The following ARHGEF2 variants were observed in gnomAD, a reference collection of about 807,000 sequenced individuals.
The protein encoded by ARHGEF2 is rho guanine nucleotide exchange factor 2.
Under a neutral mutation model 121.0 loss-of-function variants are expected in ARHGEF2, and 22 were observed. The ratio of observed to expected loss-of-function variants is 0.18; its 90% confidence interval spans 0.13 to 0.26. ARHGEF2 has a LOEUF of 0.26. Among genes scored for constraint, ARHGEF2 ranks in the 10% least tolerant of loss-of-function variants. ARHGEF2 has a pLI of 1.00. For missense variants in ARHGEF2, 907 were observed against 1,336.0 expected (o/e 0.68, Z 5.01); for synonymous variants, 487 against 530.0 (o/e 0.92, Z 1.11).
chr1:155,956,259 C>T (rs530497261), intron 13 of ARHGEF2, among the ~76,000 whole-genome samples: 40 of 151,874 alleles, frequency 2.6e-4, no homozygotes, highest in Admixed American at 2.0e-3. Flanking sequence ...CCACCACGCC[C>T]GGCTAATTTT....
chr1:155,966,958 C>A, intron 2 of ARHGEF2, 71 bp from the exon 3 acceptor site: 1 of 1,424,604 alleles, frequency 7.0e-7, no homozygotes, highest in South Asian at 1.1e-5. Context: ...CACATGCAGA[C>A]ACCCATCTCC....
intron 21 of ARHGEF2, among the ~76,000 whole-genome samples, chr1:155,948,978 T>G (rs1674846824): frequency 6.6e-6 from 1 of 152,064 alleles, no homozygotes; most frequent in African/African-American, 2.4e-5. Flanking sequence ...CCAGGCACGG[T>G]GGCTCACACC....
chr1:155,948,387 T>C (rs1367941981), intron 21 of ARHGEF2, among the ~76,000 whole-genome samples: 2 of 152,230 alleles, frequency 1.3e-5, no homozygotes, highest in Non-Finnish European at 2.9e-5. Context: ...CCTAACACTT[T>C]GGGAGGCTAA....
Position 155,962,393 on chromosome 1 carries a change from G to T in ARHGEF2, c.1102-171C>A. 9.9e-7 allele frequency: 1 copy of T among 1,006,614 alleles called. No homozygotes were observed. Among genetic ancestry groups the T allele is most frequent in the African/African-American group, 1.6e-5 (1 of 62,192 alleles). 62.4% of individuals were successfully genotyped at this position (1,006,614 alleles called of 1,614,324 possible). On this transcript the variant is annotated intron_variant, in intron 9 of 21. Transcript: ENST00000361247. The surrounding 1 kb of genome is among the most constrained non-coding windows in gnomAD (Gnocchi z 5.8). The stretch of plus-strand genomic sequence containing the variant: ...AGGTTTGTTGTGAGGACCAACTGAA[G>T]GAGCAAAAAGTACTTGGGAAACTAC...
rs973320814 is a variant in ARHGEF2, at chr1:155,947,724, G to A, written c.*218C>T. 5.6e-6 allele frequency: 3 copies of A among 538,590 alleles called. No homozygotes were observed. Among genetic ancestry groups the A allele is most frequent in the Non-Finnish European group, 9.9e-6 (3 of 301,890 alleles). The allele number at this position is 538,590 out of a possible 1,614,324, so 33.4% of individuals were successfully genotyped here. On this transcript the variant is annotated 3_prime_UTR_variant, in exon 22 of 22. Coordinates refer to ENST00000361247, the MANE Select transcript of ARHGEF2 (RefSeq NM_001162383.2). Reference sequence around the variant, plus strand: ...TTGCGGGAAGAAGGCATGAACCACTGGCATCTGTGGTGTAGCTTTCGGATG... The same window carrying A: ...TTGCGGGAAGAAGGCATGAACCACTAGCATCTGTGGTGTAGCTTTCGGATG...
chr1:155,964,170 A>ATATATATG lies in ARHGEF2; in HGVS notation c.724+817_724+818insCATATATA, dbSNP rs1308634372. ...AAAAAAAAAAAAAAAAAAAAAAAAT[A>ATATATATG]TATATATATATATATATATATATAT... is the stretch of plus-strand genomic sequence containing the variant. On this transcript the variant is annotated intron_variant, in intron 7 of 21. Coordinates refer to ENST00000361247, the MANE Select transcript of ARHGEF2 (RefSeq NM_001162383.2). Among the ~76,000 whole-genome samples, 144 of 63,250 alleles carry ATATATATG rather than the reference A, an allele frequency of 2.3e-3. 1 individual carries two copies. Among genetic ancestry groups the ATATATATG allele is most frequent in the East Asian group, 7.9e-3 (11 of 1,396 alleles). The allele number at this position is 63,250 out of a possible 152,430, so 41.5% of individuals were successfully genotyped here. A position where few individuals can be genotyped will look rare whatever the true frequency, so the allele number is the denominator to read the frequency against.
At chr1:155,977,352 A>C (rs1187163705) in intron 1 of ARHGEF2, among the ~76,000 whole-genome samples, 2 of 152,116 alleles carry the variant, frequency 1.3e-5, no homozygotes, top group Non-Finnish European at 2.9e-5. Flanking sequence ...AGGTCAGGGC[A>C]CTTGGGAATG....
chr1:155,962,780 A>G lies in ARHGEF2; in HGVS notation c.976-62T>C. On this transcript the variant is annotated intron_variant, in intron 8 of 21. Coordinates refer to ENST00000361247, the MANE Select transcript of ARHGEF2 (RefSeq NM_001162383.2). The surrounding 1 kb of genome is among the most constrained non-coding windows in gnomAD (Gnocchi z 5.8). ...CCCAAAGCCACACTTTACCCACTGG[A>G]CACACCTCTGGCCTCCTGCCAAACA... The G allele has an allele frequency of 6.2e-7, 1 of 1,608,620 alleles. No individual in the cohort carries two copies. The highest frequency in any genetic ancestry group is 8.5e-7 in the Non-Finnish European group (1 of 1,176,874).
rs897939378 is a variant in ARHGEF2 at position 155,957,720 on chromosome 1, C to T, written c.1708G>A (p.Val570Met). ...CGGCAGGCAGACACTCACGTGCGCA[C>T]GCTCTGCTGAATGACCCGGATCCAG... ...STWIRVIQQSVRTCPSREDFP... is the reference protein window; with the variant it reads ...STWIRVIQQSMRTCPSREDFP... The change falls in exon 13 of 22, where the codon GTG becomes ATG. Residue 570 changes from valine (V) to methionine (M), a missense_variant. By Grantham distance (21) the Val-to-Met change is conservative (BLOSUM62 1). Coordinates refer to ENST00000361247, the MANE Select transcript of ARHGEF2 (RefSeq NM_001162383.2). 2.5e-6 allele frequency: 4 copies of T among 1,611,798 alleles called. No homozygotes were observed. Among genetic ancestry groups the T allele is most frequent in the Non-Finnish European group, 3.4e-6 (4 of 1,179,210 alleles).
chr1:155,978,837 T>G, upstream of ARHGEF2: 2 of 979,870 alleles, frequency 2.0e-6, no homozygotes, highest in Non-Finnish European at 2.4e-6. The surrounding 1 kb of genome is among the most constrained non-coding windows in gnomAD (Gnocchi z 4.1). Flanking sequence ...CGGACCCAGG[T>G]TGGCCCTTTC....
upstream of ARHGEF2, chr1:155,979,204 T>C (rs1461627787): frequency 4.1e-6 from 4 of 985,452 alleles, no homozygotes; most frequent in African/African-American, 1.7e-5. Flanking sequence ...GACCCCACTC[T>C]GCCCTCCTCC....
intron 1 of ARHGEF2, among the ~76,000 whole-genome samples, chr1:155,977,023 C>G (rs965432172): frequency 4.6e-5 from 7 of 152,134 alleles, no homozygotes; most frequent in Non-Finnish European, 1.5e-5. Context: ...AGCATCAAGA[C>G]AGGTAGCCTG....
intron 21 of ARHGEF2, among the ~76,000 whole-genome samples, chr1:155,948,647 C>G (rs1674780180): frequency 6.6e-6 from 1 of 151,728 alleles, no homozygotes; most frequent in East Asian, 1.9e-4. Flanking sequence ...CAAAACAAAA[C>G]AAAACAAAAA....
Position 155,961,517 on chromosome 1 carries a change from G to A in ARHGEF2, c.1468+144C>T, listed in dbSNP as rs926822706. The A allele has an allele frequency of 1.7e-5, 20 of 1,170,430 alleles. No homozygotes were observed. The highest frequency in any genetic ancestry group is 1.1e-4 in the African/African-American group (7 of 65,258). The allele number at this position is 1,170,430 out of a possible 1,614,324, so 72.5% of individuals were successfully genotyped here. ...TCTCAATCTCCTGACCTCGTGATCCGCCCGCCTCGGCCTCCCTAAGTGCTG... is the reference window on the plus strand; with the variant it reads ...TCTCAATCTCCTGACCTCGTGATCCACCCGCCTCGGCCTCCCTAAGTGCTG... On this transcript the variant is annotated intron_variant, in intron 11 of 21. Coordinates refer to ENST00000361247, the MANE Select transcript of ARHGEF2 (RefSeq NM_001162383.2). This position sits in a 1 kb window ranked among gnomAD's most constrained non-coding sequence, Gnocchi z 4.7.
intron 7 of ARHGEF2, 38 bp downstream of exon 7, chr1:155,964,950 G>A (rs746177404): frequency 6.3e-7 from 1 of 1,587,826 alleles, no homozygotes; most frequent in Non-Finnish European, 8.6e-7. Context: ...AACAGGACCT[G>A]GTGAAGGAAG....
At chr1:155,969,963 A>G (rs1680152775) in intron 1 of ARHGEF2, 17 of 985,354 alleles carry the variant, frequency 1.7e-5, no homozygotes, top group Non-Finnish European at 1.9e-5. Context: ...CATGTCCCCT[A>G]CTAACCTTGA....
chr1:155,951,279 G>T lies in ARHGEF2; in HGVS notation c.2260-7C>A. The T allele has an allele frequency of 1.3e-6, 2 of 1,595,814 alleles. No individual in the cohort carries two copies. Among genetic ancestry groups the T allele is most frequent in the Non-Finnish European group, 1.7e-6 (2 of 1,168,850 alleles). ...CCTGCTGGGCCACAGCTGCCTGGGA[G>T]TAGAATGCAGGCAGAAGGGTTTATC... On this transcript the variant is annotated splice_region_variant and splice_polypyrimidine_tract_variant and intron_variant, in intron 19 of 21. Transcript: ENST00000361247. This position sits in a 1 kb window ranked among gnomAD's most constrained non-coding sequence, Gnocchi z 5.1.
At position 155,951,355 on chromosome 1, in the gene ARHGEF2, C is replaced by A; in HGVS notation, c.2260-83G>T. On this transcript the variant is annotated intron_variant, in intron 19 of 21. Transcript: ENST00000361247. This position sits in a 1 kb window ranked among gnomAD's most constrained non-coding sequence, Gnocchi z 5.1. ...CGCCTTCACCCTCCAAGGCCCAGAT[C>A]ATCGCTCCTGGAGAGCTTGGATTGG... is the stretch of plus-strand genomic sequence containing the variant. 2 of 1,567,100 alleles carry A rather than the reference C, an allele frequency of 1.3e-6. No homozygotes were observed. Among genetic ancestry groups the A allele is most frequent in the Non-Finnish European group, 1.7e-6 (2 of 1,147,756 alleles).
intron 21 of ARHGEF2, among the ~76,000 whole-genome samples, chr1:155,949,596 T>C (rs962151044): frequency 6.7e-6 from 1 of 149,528 alleles, no homozygotes; most frequent in African/African-American, 2.5e-5. Flanking sequence ...AAAAAAAATT[T>C]AGCCAGGCGT....
Sources: allele counts gnomAD v4.1 joint callset (sites outside exome capture counted in the v4.1 genomes callset), GRCh38; gene constraint gnomAD v4.1.1; non-coding constraint Gnocchi (gnomAD v3.1); transcripts MANE v1.5; gene names NCBI Gene and HGNC (gene_info 2026-07-23, HGNC 2026-07-21).